ZFHX3: variants seen among roughly 807,000 people sequenced by gnomAD.
ZFHX3 encodes zinc finger homeobox protein 3.
ZFHX3 carries 42 observed loss-of-function variants against 279.1 expected under a neutral mutation model. The ratio of observed to expected loss-of-function variants is 0.15; its 90% CI spans 0.12 to 0.19. The LOEUF is 0.19. Ranked by LOEUF, ZFHX3 falls within the 10% of genes least tolerant of loss-of-function variation. The probability of loss-of-function intolerance (pLI) is 1.00; values close to 1 mark genes in which losing one functional copy is unlikely to be tolerated. For synonymous variants in ZFHX3, 2,293 were observed against 1,957.8 expected, an observed-to-expected ratio of 1.17 and a Z score of -4.52; for missense variants, 4,981 against 4,754.0, an observed-to-expected ratio of 1.05 and a Z score of -1.40.
Position 73,519,558 on chromosome 16 carries a change from C to T in ZFHX3, c.-1546-63300G>A, listed in dbSNP as rs115419198. Among the ~76,000 whole-genome samples, 609 of 152,064 alleles carry T rather than the reference C, an allele frequency of 4.0e-3. 5 individuals carry two copies. Among genetic ancestry groups the T allele is most frequent in the African/African-American group, 0.012 (499 of 41,474 alleles). Reference sequence around the variant, plus strand: ...ACCTTGGTTGATTGGAATTTCTTTCCGTCCCATTTTCTACCTCCCAAAGGA... The same window carrying T: ...ACCTTGGTTGATTGGAATTTCTTTCTGTCCCATTTTCTACCTCCCAAAGGA... On this transcript the variant is annotated intron_variant, in intron 2 of 17. Transcript: ENST00000641206.
At position 72,794,598 on chromosome 16, in the gene ZFHX3, C is replaced by G; in HGVS notation, c.8084G>C (p.Arg2695Pro). 6.2e-7 allele frequency: 1 copy of G among 1,614,206 alleles called. No individual in the cohort carries two copies. The highest frequency in any genetic ancestry group is 8.5e-7 in the Non-Finnish European group (1 of 1,180,038). The change falls in exon 9 of 10, where the codon CGG becomes CCG. Residue 2695 changes from arginine to proline, a missense_variant. Coordinates refer to ENST00000268489, the MANE Select transcript of ZFHX3 (RefSeq NM_006885.4). This position sits in a 1 kb window ranked among gnomAD's most constrained non-coding sequence, Gnocchi z 4.2. ...AGCCCGGAACTGTCCTTTCCTTTCC[C>G]GAGCTCGGGTGTTCTGAAACCAGAC... ...VQVWFQNTRARERKGQFRAVG... is the reference protein window; with the variant it reads ...VQVWFQNTRAPERKGQFRAVG...
chr16:73,376,988 T>G (rs2016734120), intron 3 of ZFHX3, among the ~76,000 whole-genome samples: 1 of 151,626 alleles, frequency 6.6e-6, no homozygotes, highest in Non-Finnish European at 1.5e-5. Context: ...TTTTTTTTTT[T>G]TGAGAGACAG....
chr16:73,240,723 C>T (rs1421026707), intron 5 of ZFHX3, among the ~76,000 whole-genome samples: 2 of 152,150 alleles, frequency 1.3e-5, no homozygotes, highest in East Asian at 3.8e-4. Flanking sequence ...GAAAGTGCTG[C>T]AAGTATTGAT....
intron 1 of ZFHX3, among the ~76,000 whole-genome samples, chr16:73,847,531 T>C (rs532613232): frequency 6.6e-6 from 1 of 152,208 alleles, no homozygotes; most frequent in Admixed American, 6.5e-5. Context: ...TGGCGTCAAT[T>C]ATAATAACTA....
At chr16:72,979,367 C>T (rs1962489801) in intron 1 of ZFHX3, among the ~76,000 whole-genome samples, 1 of 152,172 alleles carries the variant, frequency 6.6e-6, no homozygotes, top group Non-Finnish European at 1.5e-5. Flanking sequence ...AGGAGCTCCT[C>T]AAAAAGACAA....
intron 2 of ZFHX3, among the ~76,000 whole-genome samples, chr16:73,524,483 G>A (rs2019658561): frequency 6.6e-6 from 1 of 152,190 alleles, no homozygotes. Context: ...CATCTTTGTG[G>A]CCCTTCTGTC....
intron 2 of ZFHX3, among the ~76,000 whole-genome samples, chr16:73,602,741 T>A (rs1781612321): frequency 6.6e-6 from 1 of 151,336 alleles, no homozygotes; most frequent in African/African-American, 2.4e-5. Flanking sequence ...GGTCAGGAGT[T>A]CAAGACCGGC....
intron 5 of ZFHX3, among the ~76,000 whole-genome samples, chr16:73,199,851 C>T (rs1009941708): frequency 6.6e-6 from 1 of 152,174 alleles, no homozygotes; most frequent in African/African-American, 2.4e-5. Context: ...GAAGTCTATG[C>T]AACTTTTATT....
intron 4 of ZFHX3, among the ~76,000 whole-genome samples, chr16:73,272,921 A>G (rs1001773845): frequency 2.0e-5 from 3 of 151,922 alleles, no homozygotes; most frequent in Non-Finnish European, 4.4e-5. Flanking sequence ...TAATTTTTAA[A>G]TTTTTTGTAG....
At chr16:73,321,380 C>G (rs1004139387) in intron 3 of ZFHX3, among the ~76,000 whole-genome samples, 6 of 152,148 alleles carry the variant, frequency 3.9e-5, no homozygotes, top group Non-Finnish European at 5.9e-5. Flanking sequence ...GGGGTCACAG[C>G]AGTACCTGAC....
chr16:73,380,286 T>G (rs894529783), intron 3 of ZFHX3, among the ~76,000 whole-genome samples: 14 of 152,034 alleles, frequency 9.2e-5, no homozygotes, highest in Non-Finnish European at 1.8e-4. Context: ...GAGTTGGAGG[T>G]ATCCATAGAC....
intron 1 of ZFHX3, among the ~76,000 whole-genome samples, chr16:73,717,179 CA>C (rs2053424397): frequency 6.6e-6 from 1 of 152,194 alleles, no homozygotes; most frequent in Non-Finnish European, 1.5e-5. Context: ...CACTTCTCCC[CA>C]GGGGGCTAAT....
chr16:73,177,558 A>G (rs540917421), intron 5 of ZFHX3, among the ~76,000 whole-genome samples: 1 of 152,370 alleles, frequency 6.6e-6, no homozygotes, highest in Non-Finnish European at 1.5e-5. Flanking sequence ...AGATTCACAG[A>G]TGTGATCTTT....
intron 2 of ZFHX3, among the ~76,000 whole-genome samples, chr16:73,466,074 A>G (rs2018565729): frequency 6.6e-6 from 1 of 152,226 alleles, no homozygotes; most frequent in South Asian, 2.1e-4. Flanking sequence ...AAACATTGTC[A>G]TAGGAAACAA....
intron 5 of ZFHX3, among the ~76,000 whole-genome samples, chr16:72,819,183 CT>C (rs1341922092): frequency 2.0e-5 from 3 of 152,154 alleles, no homozygotes; most frequent in African/African-American, 7.2e-5. Flanking sequence ...TCTTCCATCA[CT>C]CTTCATCGTG....
chr16:73,056,647 T>G (rs906790595), intron 1 of ZFHX3, among the ~76,000 whole-genome samples: 4 of 152,176 alleles, frequency 2.6e-5, no homozygotes, highest in Admixed American at 6.5e-5. Flanking sequence ...GGCAGTAAAT[T>G]CTGGTTGTTC....
At chr16:73,107,486 T>C (rs1008700683) in intron 7 of ZFHX3, among the ~76,000 whole-genome samples, 1 of 152,292 alleles carries the variant, frequency 6.6e-6, no homozygotes, top group African/African-American at 2.4e-5. Context: ...CCGACAAATG[T>C]TGTCACATCT....
chr16:72,927,419 G>A (rs551509723), intron 3 of ZFHX3, among the ~76,000 whole-genome samples: 3 of 152,288 alleles, frequency 2.0e-5, no homozygotes, highest in Non-Finnish European at 4.4e-5. Context: ...GCTCCAGGCC[G>A]TGCCCCCTTG....
At chr16:72,863,900 A>C (rs2037947838) in intron 4 of ZFHX3, among the ~76,000 whole-genome samples, 1 of 152,132 alleles carries the variant, frequency 6.6e-6, no homozygotes, top group South Asian at 2.1e-4. Flanking sequence ...GTGGATCATG[A>C]GGTCACGAGA....
Sources: gnomAD v4.1 joint callset for allele counts (sites outside exome capture counted in the v4.1 genomes callset) on GRCh38, gnomAD v4.1.1 for gene constraint, Gnocchi (gnomAD v3.1) non-coding constraint, MANE v1.5 for transcripts, NCBI Gene and HGNC (gene_info 2026-07-23, HGNC 2026-07-21) for gene names.